Variants in CDH12 observed in about 807,000 individuals in gnomAD.
The protein encoded by CDH12 is cadherin-12.
CDH12 carries 41 observed loss-of-function variants against 74.1 expected under a neutral mutation model. That is an observed-to-expected ratio of 0.55 (90% confidence interval 0.43 to 0.72). The LOEUF (loss-of-function observed/expected upper bound fraction) is 0.72. Among genes scored for constraint, CDH12 ranks in the 30% least tolerant of loss-of-function variants. The pLI, the probability that CDH12 is intolerant of heterozygous loss-of-function variation, is 0.00. For missense variants in CDH12, 945 were observed against 977.2 expected, an observed-to-expected ratio of 0.97 and a Z score of 0.44; for synonymous variants, 399 against 355.0, an observed-to-expected ratio of 1.12 and a Z score of -1.39.
At chr5:22,821,746 G>C (rs1749712012) in intron 1 of CDH12, among the ~76,000 whole-genome samples, 2 of 151,224 alleles carry the variant, frequency 1.3e-5, no homozygotes, top group Non-Finnish European at 2.9e-5. Context: ...ACAAACAAAT[G>C]GAAGAACATT....
At position 22,654,893 on chromosome 5, in the gene CDH12, C is replaced by T. The variant is rs548500768; in HGVS notation, c.-522-149529G>A. On this transcript the variant is annotated intron_variant, in intron 1 of 14. Coordinates refer to ENST00000382254, the MANE Select transcript of CDH12 (RefSeq NM_004061.5). ...TGATCTGCCTGCCTCAGCCTCTCAA[C>T]GTGCTGGGAATACAGGCATGAGCCA... Among the ~76,000 whole-genome samples, 7 of 151,596 alleles carry T rather than the reference C, an allele frequency of 4.6e-5. No homozygotes were observed. The South Asian group carries it at 6.3e-4, about 14-fold the overall frequency.
rs1749943350 is a variant in CDH12 at position 21,842,759 on chromosome 5, G to T, written c.647-431C>A. Among the ~76,000 whole-genome samples the T allele has an allele frequency of 2.0e-5, 3 of 152,038 alleles. No individual in the cohort carries two copies. In the South Asian group the frequency reaches 6.2e-4, roughly 32 times the overall value. On this transcript the variant is annotated intron_variant, in intron 7 of 14. Coordinates refer to ENST00000382254, the MANE Select transcript of CDH12 (RefSeq NM_004061.5). ...TTACTACTTTCTTCTTTGTTTTTCTGTTTATTTTCTAGAGTAAAAATACTA... is the reference window on the plus strand; with the variant it reads ...TTACTACTTTCTTCTTTGTTTTTCTTTTTATTTTCTAGAGTAAAAATACTA...
At chr5:22,712,243 C>T (rs1743326781) in intron 1 of CDH12, among the ~76,000 whole-genome samples, 1 of 151,944 alleles carries the variant, frequency 6.6e-6, no homozygotes, top group South Asian at 2.1e-4. Context: ...ATGGAAAATA[C>T]AATTACTTTT....
At chr5:22,046,287 T>C (rs1199435700) in intron 5 of CDH12, among the ~76,000 whole-genome samples, 1 of 152,152 alleles carries the variant, frequency 6.6e-6, no homozygotes, top group East Asian at 1.9e-4. Flanking sequence ...CTGCAATAAT[T>C]AATTGAGAGC....
intron 6 of CDH12, among the ~76,000 whole-genome samples, chr5:21,880,857 A>G (rs1310835118): frequency 6.6e-6 from 1 of 151,730 alleles, no homozygotes; most frequent in South Asian, 2.1e-4. Flanking sequence ...GGGTTTATCA[A>G]TTTCTTGTTC....
At chr5:22,606,527 T>C (rs1737127423) in intron 1 of CDH12, among the ~76,000 whole-genome samples, 1 of 152,142 alleles carries the variant, frequency 6.6e-6, no homozygotes, top group Non-Finnish European at 1.5e-5. Context: ...GATGGTTTTA[T>C]AAAGGGCTCC....
At chr5:21,755,451 T>C (rs1311910390) in intron 14 of CDH12, 140 bp downstream of exon 14, 1 of 668,806 alleles carries the variant, frequency 1.5e-6, no homozygotes, top group Non-Finnish European at 2.5e-6. Context: ...ACACATAGAT[T>C]ATCTTCTAGC....
rs1491214607 is a variant in CDH12, at chr5:22,117,477, ATT to A, written c.-186-38617_-186-38616del. 6.6e-4 allele frequency among the ~76,000 whole-genome samples: 35 copies of A among 52,880 alleles called. No homozygotes were observed. In the South Asian group the frequency reaches 7.8e-3, roughly 12 times the overall value. 34.7% of individuals were successfully genotyped at this position (52,880 alleles called of 152,430 possible). ...TATATATTATATATATAATATATATATTATATATATATTATATATATATAATA... is the reference window on the plus strand; with the variant it reads ...TATATATTATATATATAATATATATAATATATATATTATATATATATAATA... On this transcript the variant is annotated intron_variant, in intron 4 of 14. Coordinates refer to ENST00000382254, the MANE Select transcript of CDH12 (RefSeq NM_004061.5).
At chr5:22,672,388 G>T (rs934271083) in intron 1 of CDH12, among the ~76,000 whole-genome samples, 5 of 151,860 alleles carry the variant, frequency 3.3e-5, no homozygotes, top group Non-Finnish European at 7.4e-5. Context: ...GTATTAAGAG[G>T]TAGGATTGTA....
chr5:22,749,280 G>C (rs1745445561), intron 1 of CDH12, among the ~76,000 whole-genome samples: 2 of 152,216 alleles, frequency 1.3e-5, no homozygotes, highest in Admixed American at 1.3e-4. Flanking sequence ...GCGCAGGTGA[G>C]AAATGAGTCT....
At chr5:21,891,601 A>ACACACACACACACT (rs762795304) in intron 6 of CDH12, among the ~76,000 whole-genome samples, 13 of 150,226 alleles carry the variant, frequency 8.7e-5, no homozygotes, top group Non-Finnish European at 1.5e-4. Flanking sequence ...ACACACACAC[A>ACACACACACACACT]CTCTTTCTGG....
At chr5:22,466,518 A>T (rs971921866) in intron 2 of CDH12, among the ~76,000 whole-genome samples, 1 of 151,856 alleles carries the variant, frequency 6.6e-6, no homozygotes, top group Non-Finnish European at 1.5e-5. Flanking sequence ...AGTATGTGAG[A>T]CTCTGCGTTT....
chr5:22,740,797 A>G (rs1028288256), intron 1 of CDH12, among the ~76,000 whole-genome samples: 1 of 152,136 alleles, frequency 6.6e-6, no homozygotes, highest in African/African-American at 2.4e-5. Flanking sequence ...GTATACTACC[A>G]TTCCATGAGC....
intron 7 of CDH12, among the ~76,000 whole-genome samples, chr5:21,847,148 C>T (rs1159212505): frequency 6.6e-6 from 1 of 152,078 alleles, no homozygotes. Context: ...TAATCTTCAC[C>T]TTCCTGCTGA....
chr5:22,775,308 A>T (rs1747034507), intron 1 of CDH12, among the ~76,000 whole-genome samples: 1 of 152,040 alleles, frequency 6.6e-6, no homozygotes, highest in Non-Finnish European at 1.5e-5. Flanking sequence ...GATTTGTGTC[A>T]TTTCTGAAAT....
intron 1 of CDH12, among the ~76,000 whole-genome samples, chr5:22,705,560 A>G (rs1416713818): frequency 6.6e-6 from 1 of 151,436 alleles, no homozygotes; most frequent in African/African-American, 2.4e-5. Flanking sequence ...TTAGGCACAT[A>G]TGTATTTCCC....
intron 1 of CDH12, among the ~76,000 whole-genome samples, chr5:22,841,911 A>T (rs1325855505): frequency 6.6e-6 from 1 of 152,182 alleles, no homozygotes; most frequent in Admixed American, 6.6e-5. Flanking sequence ...AGGTGAAAAG[A>T]AAGGGAGATG....
intron 6 of CDH12, among the ~76,000 whole-genome samples, chr5:21,869,666 CTT>C (rs1348601001): frequency 6.6e-6 from 1 of 152,058 alleles, no homozygotes; most frequent in East Asian, 1.9e-4. Context: ...CACCCAAAGA[CTT>C]TATCTCCTCT....
chr5:22,655,769 T>A (rs1001456829), intron 1 of CDH12, among the ~76,000 whole-genome samples: 1 of 152,154 alleles, frequency 6.6e-6, no homozygotes, highest in Non-Finnish European at 1.5e-5. Context: ...TCACCACAAT[T>A]CCCTTCCTCC....
Sources: gnomAD v4.1 joint callset for allele counts (sites outside exome capture counted in the v4.1 genomes callset) on GRCh38, gnomAD v4.1.1 for gene constraint, MANE v1.5 for transcripts, NCBI Gene and HGNC (gene_info 2026-07-23, HGNC 2026-07-21) for gene names.